WAC: variants seen among roughly 807,000 people sequenced by gnomAD.
The protein encoded by WAC is WW domain-containing adapter protein with coiled-coil.
Under a neutral mutation model 79.6 loss-of-function variants are expected in WAC, and 11 were observed. The observed-to-expected ratio is 0.14, with a 90% CI of 0.09 to 0.23. WAC has a LOEUF of 0.23. WAC is among the 10% of genes least tolerant of loss of function. The pLI is 1.00. For synonymous variants in WAC, 304 were observed against 276.9 expected, an observed-to-expected ratio of 1.10 and a Z score of -0.97; for missense variants, 728 against 773.5, an observed-to-expected ratio of 0.94 and a Z score of 0.70.
chr10:28,581,675 C>T (rs1170806243), intron 3 of WAC, among the ~76,000 whole-genome samples: 1 of 152,104 alleles, frequency 6.6e-6, no homozygotes, highest in African/African-American at 2.4e-5. Context: ...ATGCTCCTGC[C>T]TCAGCCTCCC....
intron 3 of WAC, among the ~76,000 whole-genome samples, chr10:28,576,449 T>C (rs1839250493): frequency 6.6e-6 from 1 of 152,212 alleles, no homozygotes; most frequent in Non-Finnish European, 1.5e-5. Context: ...AAGGCAGATG[T>C]ATTATATATA....
chr10:28,539,597 T>C (rs2790442), intron 3 of WAC, among the ~76,000 whole-genome samples: 133,686 of 151,556 alleles, frequency 0.88, 59,201 homozygotes, highest in African/African-American at 0.95. Context: ...GAGACAGAGT[T>C]GCCCAGGCTG....
At chr10:28,599,796 G>C (rs539593122) in intron 7 of WAC, among the ~76,000 whole-genome samples, 1 of 152,300 alleles carries the variant, frequency 6.6e-6, no homozygotes, top group African/African-American at 2.4e-5. Flanking sequence ...ATGTTAGGTA[G>C]AGTGAAACAA....
intron 3 of WAC, chr10:28,537,443 A>G (rs961859251): frequency 6.6e-6 from 1 of 152,236 alleles, no homozygotes; most frequent in African/African-American, 2.4e-5. Context: ...AAAATAGGAT[A>G]TGGCACCTCA....
chr10:28,577,202 A>C (rs763633570), intron 3 of WAC, among the ~76,000 whole-genome samples: 4 of 152,170 alleles, frequency 2.6e-5, no homozygotes, highest in African/African-American at 4.8e-5. Context: ...GCAGAATGAT[A>C]TTATTATAAA....
chr10:28,536,243 A>G (rs908714167), intron 3 of WAC, among the ~76,000 whole-genome samples: 26 of 50,742 alleles, frequency 5.1e-4, no homozygotes, highest in African/African-American at 2.2e-3. Context: ...GTGAGACTCC[A>G]TTAAAAAAAA....
chr10:28,598,704 C>T (rs775379681), intron 7 of WAC, among the ~76,000 whole-genome samples: 1 of 152,182 alleles, frequency 6.6e-6, no homozygotes, highest in Non-Finnish European at 1.5e-5. Context: ...ACTGTTCTTT[C>T]CTCAAAACCA....
intron 3 of WAC, among the ~76,000 whole-genome samples, chr10:28,556,547 A>G (rs1838006925): frequency 6.6e-6 from 1 of 151,348 alleles, no homozygotes; most frequent in South Asian, 2.1e-4. Context: ...TTTTCGTGCA[A>G]GAAGCTTTTT....
chr10:28,585,781 T>A (rs1030402974), intron 4 of WAC, among the ~76,000 whole-genome samples: 4 of 152,168 alleles, frequency 2.6e-5, no homozygotes, highest in African/African-American at 9.7e-5. Flanking sequence ...GGCATTGTTT[T>A]TTTTTTATTT....
chr10:28,554,605 A>G (rs1326536404), intron 3 of WAC, among the ~76,000 whole-genome samples: 5 of 152,006 alleles, frequency 3.3e-5, no homozygotes, highest in African/African-American at 7.3e-5. Flanking sequence ...TCTAAGAGTC[A>G]TACTACCCCA....
At chr10:28,608,898 G>C (rs1841089188) in intron 8 of WAC, among the ~76,000 whole-genome samples, 1 of 152,176 alleles carries the variant, frequency 6.6e-6, no homozygotes, top group Non-Finnish European at 1.5e-5. Flanking sequence ...TCTGAGAAGG[G>C]AGGAGATAGG....
rs989245220 is a variant in WAC, at chr10:28,620,770, C to T, written c.*1164C>T. The T allele has an allele frequency of 1.3e-5, 2 of 152,160 alleles. No homozygotes were observed. Among genetic ancestry groups the T allele is most frequent in the African/African-American group, 2.4e-5 (1 of 41,438 alleles). 9.4% of individuals were successfully genotyped at this position (152,160 alleles called of 1,614,324 possible). A position where few individuals can be genotyped will look rare whatever the true frequency, so the allele number is the denominator to read the frequency against. Reference sequence around the variant, plus strand: ...TCCCAAGTGGTTGTCATTTGTTAAACCCTGGTTTACCTGTCTTGCTATTAT... The same window carrying T: ...TCCCAAGTGGTTGTCATTTGTTAAATCCTGGTTTACCTGTCTTGCTATTAT... On this transcript the variant is annotated 3_prime_UTR_variant, in exon 14 of 14. Transcript: ENST00000354911.
At chr10:28,542,789 C>T (rs1460008868) in intron 3 of WAC, among the ~76,000 whole-genome samples, 2 of 152,194 alleles carry the variant, frequency 1.3e-5, no homozygotes, top group African/African-American at 4.8e-5. Flanking sequence ...TGAAAATACA[C>T]ATAAGTGGGA....
chr10:28,608,067 G>T, intron 7 of WAC, 119 bp from the exon 8 acceptor site: 2 of 1,100,552 alleles, frequency 1.8e-6, no homozygotes, highest in Admixed American at 4.2e-5. Flanking sequence ...GCTCCAGTGT[G>T]TAAGGGTTAA....
At chr10:28,570,182 T>C (rs1445472459) in intron 3 of WAC, among the ~76,000 whole-genome samples, 1 of 152,238 alleles carries the variant, frequency 6.6e-6, no homozygotes, top group African/African-American at 2.4e-5. Context: ...ATACCACATA[T>C]TTTTGGGAAA....
intron 3 of WAC, among the ~76,000 whole-genome samples, chr10:28,564,750 C>T (rs948708554): frequency 2.6e-5 from 4 of 152,162 alleles, no homozygotes; most frequent in African/African-American, 9.7e-5. Flanking sequence ...ATCCAGTTTG[C>T]CACAATGGCA....
intron 4 of WAC, among the ~76,000 whole-genome samples, chr10:28,588,475 A>G (rs889318439): frequency 6.6e-6 from 1 of 152,186 alleles, no homozygotes; most frequent in African/African-American, 2.4e-5. Context: ...TGGAAATAAT[A>G]GGCATTTGGA....
intron 3 of WAC, among the ~76,000 whole-genome samples, chr10:28,576,337 G>T (rs747126609): frequency 4.6e-5 from 7 of 152,106 alleles, no homozygotes; most frequent in Non-Finnish European, 7.4e-5. Context: ...TTTAAACAAT[G>T]AAATTTGTTG....
At chr10:28,585,198 A>G (rs1029845765) in intron 4 of WAC, among the ~76,000 whole-genome samples, 3 of 152,208 alleles carry the variant, frequency 2.0e-5, no homozygotes, top group Admixed American at 6.5e-5. Flanking sequence ...AGGCTATTGA[A>G]CAACCGGATG....
Sources: allele counts gnomAD v4.1 joint callset (sites outside exome capture counted in the v4.1 genomes callset), GRCh38; gene constraint gnomAD v4.1.1; transcripts MANE v1.5; gene names NCBI Gene and HGNC (gene_info 2026-07-23, HGNC 2026-07-21).